The following IKZF3 variants were observed in gnomAD, a reference collection of about 807,000 sequenced individuals.
IKZF3 encodes IKAROS family zinc finger 3.
In IKZF3, 10 loss-of-function variants were observed where a neutral mutation model predicts 49.0. The observed-to-expected ratio is 0.20, with a 90% CI of 0.13 to 0.35. IKZF3 has a LOEUF of 0.35. IKZF3 is among the 10% of genes least tolerant of loss of function. IKZF3 has a pLI of 1.00. For missense variants in IKZF3, 498 were observed against 664.8 expected (o/e 0.75, Z 2.76); for synonymous variants, 209 against 228.2 (o/e 0.92, Z 0.76).
At chr17:39,845,531 GAA>G (rs71355423) in intron 1 of IKZF3, among the ~76,000 whole-genome samples, 2 of 83,416 alleles carry the variant, frequency 2.4e-5, no homozygotes, top group African/African-American at 4.2e-5. Flanking sequence ...CTCCAAAAAA[GAA>G]AAAAAAAAAA....
intron 3 of IKZF3, among the ~76,000 whole-genome samples, chr17:39,813,943 C>T (rs1352491640): frequency 3.3e-5 from 5 of 152,212 alleles, no homozygotes; most frequent in Admixed American, 6.5e-5. Flanking sequence ...GCGAGGCTGA[C>T]GCGGTCTCTC....
At chr17:39,837,864 G>A (rs1236102266) in intron 1 of IKZF3, among the ~76,000 whole-genome samples, 3 of 150,802 alleles carry the variant, frequency 2.0e-5, no homozygotes, top group Non-Finnish European at 3.0e-5. Flanking sequence ...GGATGGTCTC[G>A]GTCTTCTGAC....
chr17:39,845,673 T>C (rs1420721230), intron 1 of IKZF3, among the ~76,000 whole-genome samples: 2 of 152,196 alleles, frequency 1.3e-5, no homozygotes, highest in African/African-American at 2.4e-5. Context: ...ACATTCACTA[T>C]CTGGTCCTTT....
intron 1 of IKZF3, among the ~76,000 whole-genome samples, chr17:39,834,474 T>C (rs2062205796): frequency 6.6e-6 from 1 of 152,236 alleles, no homozygotes. Context: ...CTAATTTCCC[T>C]CGAGTCTTCT....
At chr17:39,810,112 T>A (rs915614802) in intron 3 of IKZF3, among the ~76,000 whole-genome samples, 2 of 152,204 alleles carry the variant, frequency 1.3e-5, no homozygotes, top group African/African-American at 4.8e-5. Context: ...AACCCTGAGA[T>A]CTCAGGTTGA....
intron 1 of IKZF3, among the ~76,000 whole-genome samples, chr17:39,834,635 G>A (rs914202572): frequency 1.3e-5 from 2 of 152,280 alleles, no homozygotes; most frequent in African/African-American, 4.8e-5. Flanking sequence ...AAAGTATTAA[G>A]ACTGGTGTTC....
chr17:39,832,498 TATATATATGTACATATATATGTAC>T (rs1052394262), intron 1 of IKZF3, among the ~76,000 whole-genome samples: 1 of 150,804 alleles, frequency 6.6e-6, no homozygotes, highest in Non-Finnish European at 1.5e-5. Flanking sequence ...GTGGTATATA[TATATATATGTACATATATATGTAC>T]ATATATATAA....
intron 3 of IKZF3, among the ~76,000 whole-genome samples, chr17:39,805,253 C>T (rs1402739049): frequency 2.0e-5 from 3 of 152,144 alleles, no homozygotes; most frequent in African/African-American, 2.4e-5. Flanking sequence ...GAAAGGAAAG[C>T]GTGAACAACT....
chr17:39,820,610 CTTTGT>C (rs1033204523), intron 3 of IKZF3, among the ~76,000 whole-genome samples: 2 of 152,072 alleles, frequency 1.3e-5, no homozygotes, highest in Non-Finnish European at 2.9e-5. Context: ...TATTGTTTTG[CTTTGT>C]TTTGTTTTGT....
chr17:39,815,053 G>A (rs2061647748), intron 3 of IKZF3, among the ~76,000 whole-genome samples: 1 of 152,128 alleles, frequency 6.6e-6, no homozygotes, highest in African/African-American at 2.4e-5. Context: ...AAAATAGGGG[G>A]CCAGTAGAGT....
intron 7 of IKZF3, among the ~76,000 whole-genome samples, chr17:39,773,877 T>C (rs2060506031): frequency 6.6e-6 from 1 of 152,082 alleles, no homozygotes; most frequent in Admixed American, 6.5e-5. Flanking sequence ...TCTTGTCCTT[T>C]GAAAAGAACA....
At chr17:39,846,238 T>A (rs930292910) in intron 1 of IKZF3, among the ~76,000 whole-genome samples, 2 of 152,170 alleles carry the variant, frequency 1.3e-5, no homozygotes, top group Non-Finnish European at 2.9e-5. Context: ...GATACTGACA[T>A]ATATATTAGA....
chr17:39,802,367 G>A (rs2061341324), intron 3 of IKZF3, among the ~76,000 whole-genome samples: 1 of 151,852 alleles, frequency 6.6e-6, no homozygotes, highest in South Asian at 2.1e-4. Context: ...AGCACTTCAG[G>A]AGGCAGAGGT....
At chr17:39,851,072 G>T (rs562952412) in intron 1 of IKZF3, among the ~76,000 whole-genome samples, 125 of 149,292 alleles carry the variant, frequency 8.4e-4, no homozygotes, top group East Asian at 2.2e-3. Context: ...TATATATATA[G>T]AGAGAGAGGG....
chr17:39,807,940 T>C (rs2061470699), intron 3 of IKZF3, among the ~76,000 whole-genome samples: 1 of 152,162 alleles, frequency 6.6e-6, no homozygotes, highest in Non-Finnish European at 1.5e-5. Context: ...GGAAATGTTC[T>C]AAAACATGGT....
intron 1 of IKZF3, among the ~76,000 whole-genome samples, chr17:39,850,699 AT>A (rs1163125888): frequency 6.5e-4 from 1 of 1,528 alleles, no homozygotes; most frequent in Non-Finnish European, 1.5e-3. Context: ...TTATATATAC[AT>A]TATATATAAT....
chr17:39,841,429 G>A (rs1396205220), intron 1 of IKZF3, among the ~76,000 whole-genome samples: 1 of 152,074 alleles, frequency 6.6e-6, no homozygotes, highest in African/African-American at 2.4e-5. Flanking sequence ...GGGGTGAAGA[G>A]GGCATCTACA....
Position 39,768,260 on chromosome 17 carries a change from G to A in IKZF3, c.827-1767C>T, listed in dbSNP as rs9893628. On this transcript the variant is annotated intron_variant, in intron 7 of 7. Coordinates refer to ENST00000346872, the MANE Select transcript of IKZF3 (RefSeq NM_012481.5). The stretch of plus-strand genomic sequence containing the variant: ...AGAAACTTCAGAAGTACTTGGGGAA[G>A]GGAAAGCATTCTTGGAAAATCTAAA... Among the ~76,000 whole-genome samples, 644 of 152,308 alleles carry A rather than the reference G, an allele frequency of 4.2e-3. 4 individuals carry two copies. Among genetic ancestry groups the A allele is most frequent in the African/African-American group, 0.014 (601 of 41,554 alleles).
rs141234994 is a variant in IKZF3 at position 39,811,799 on chromosome 17, C to T, written c.163+17588G>A. Among the ~76,000 whole-genome samples the T allele has an allele frequency of 3.9e-4, 59 of 152,304 alleles. No homozygotes were observed. In the East Asian group the frequency reaches 6.2e-3, roughly 16 times the overall value. On this transcript the variant is annotated intron_variant, in intron 3 of 7. Transcript: ENST00000346872. ...AAAATGGATAAACACTGAGCATTTA[C>T]TATATTCCCAGAACTTTGGCACAAA...
Sources: gnomAD v4.1 joint callset for allele counts (sites outside exome capture counted in the v4.1 genomes callset) on GRCh38, gnomAD v4.1.1 for gene constraint, MANE v1.5 for transcripts, NCBI Gene and HGNC (gene_info 2026-07-23, HGNC 2026-07-21) for gene names.